TENM3: variants seen among roughly 807,000 people sequenced by gnomAD.
The protein encoded by TENM3 is teneurin-3.
Under a neutral mutation model 255.1 loss-of-function variants are expected in TENM3, and 63 were observed. The ratio of observed to expected loss-of-function variants is 0.25; its 90% confidence interval spans 0.20 to 0.30. TENM3 has a LOEUF of 0.30. TENM3 is among the 10% of genes least tolerant of loss of function. The probability of loss-of-function intolerance (pLI) is 1.00; values close to 1 mark genes in which losing one functional copy is unlikely to be tolerated. For missense variants in TENM3, 2,929 were observed against 3,461.1 expected (o/e 0.85, Z 3.86); for synonymous variants, 1,306 against 1,322.3 (o/e 0.99, Z 0.27).
At chr4:181,530,806 C>T in the TENM3 span, among the ~76,000 whole-genome samples, 1 of 152,102 alleles carries the variant, frequency 6.6e-6, no homozygotes, top group African/African-American at 2.4e-5. Context: ...TATGTGTGTG[C>T]GTGCATGTGC....
chr4:182,318,119 A>T (rs1762850141), intron 1 of TENM3, among the ~76,000 whole-genome samples: 4 of 152,210 alleles, frequency 2.6e-5, no homozygotes, highest in Admixed American at 2.6e-4. Context: ...GACACTATAT[A>T]GAGATATCCA....
At chr4:182,597,915 C>T (rs985884996) in intron 3 of TENM3, among the ~76,000 whole-genome samples, 11 of 152,220 alleles carry the variant, frequency 7.2e-5, no homozygotes, top group East Asian at 3.8e-4. Flanking sequence ...CACAGTGGCT[C>T]ATGCCTGTAA....
chr4:182,242,353 C>T (rs1483454097), upstream of TENM3, among the ~76,000 whole-genome samples: 1 of 151,962 alleles, frequency 6.6e-6, no homozygotes, highest in Admixed American at 6.6e-5. Flanking sequence ...ATGATGGTTT[C>T]CAGCTTCATC....
chr4:182,146,380 A>G (rs1033781118), intron 1 of TENM3, among the ~76,000 whole-genome samples: 3 of 152,174 alleles, frequency 2.0e-5, no homozygotes, highest in East Asian at 3.8e-4. Flanking sequence ...CAGTAATAAG[A>G]CTTGCTAATC....
intron 1 of TENM3, among the ~76,000 whole-genome samples, chr4:182,320,201 T>A (rs1170041110): frequency 6.6e-6 from 1 of 152,052 alleles, no homozygotes; most frequent in Non-Finnish European, 1.5e-5. Flanking sequence ...AGATAGCAAA[T>A]AGTTTAGACT....
At chr4:181,477,088 A>G in the TENM3 span, among the ~76,000 whole-genome samples, 1 of 152,154 alleles carries the variant, frequency 6.6e-6, no homozygotes, top group African/African-American at 2.4e-5. Flanking sequence ...TCATTCATTC[A>G]TTCATTCATT....
intron 3 of TENM3, among the ~76,000 whole-genome samples, chr4:182,512,059 C>T (rs1480610790): frequency 1.3e-5 from 2 of 152,128 alleles, no homozygotes; most frequent in Non-Finnish European, 2.9e-5. Flanking sequence ...TGGTTCTTAA[C>T]CAGGAACTCT....
intron 2 of TENM3, among the ~76,000 whole-genome samples, chr4:182,334,987 A>C (rs997832190): frequency 1.3e-5 from 2 of 152,002 alleles, no homozygotes; most frequent in African/African-American, 4.8e-5. Flanking sequence ...TCATTAAGGC[A>C]TCTCTCTATC....
chr4:182,625,995 G>T (rs573698945), intron 4 of TENM3, among the ~76,000 whole-genome samples: 1 of 152,244 alleles, frequency 6.6e-6, no homozygotes, highest in African/African-American at 2.4e-5. Context: ...AGCATGAAAA[G>T]AAAAGATTTC....
At chr4:181,625,265 C>A in the TENM3 span, among the ~76,000 whole-genome samples, 1 of 152,160 alleles carries the variant, frequency 6.6e-6, no homozygotes, top group Non-Finnish European at 1.5e-5. Flanking sequence ...GAATGCATAA[C>A]CAGCCCAGAA....
chr4:182,344,882 G>A (rs1764703988), intron 2 of TENM3, among the ~76,000 whole-genome samples: 1 of 152,106 alleles, frequency 6.6e-6, no homozygotes. Flanking sequence ...CACTGACCTT[G>A]TTCAGATTTA....
rs560288266 is a variant in TENM3 at position 182,793,359 on chromosome 4, T to C, written c.6687T>C (p.Tyr2229=). ...GTGGCTGGACAGTGATCTACCGTTA[T>C]GACGGCCTGGGAAGGCGTGTTTCTA... ...KGSGWTVIYR[Y]DGLGRRVSSK... Residue 2229 remains tyrosine, a synonymous_variant, in exon 26 of 28, where the codon TAT becomes TAC. Transcript: ENST00000511685. This position sits in a 1 kb window ranked among gnomAD's most constrained non-coding sequence, Gnocchi z 5.7. The C allele has an allele frequency of 8.1e-6, 13 of 1,613,834 alleles. No homozygotes were observed. In the African/African-American group the frequency reaches 1.2e-4, roughly 15 times the overall value.
the TENM3 span, among the ~76,000 whole-genome samples, chr4:182,069,269 C>A: frequency 6.6e-6 from 1 of 152,148 alleles, no homozygotes; most frequent in African/African-American, 2.4e-5. Flanking sequence ...TTCCTATTTC[C>A]TTTCTGGCAT....
chr4:182,753,622 G>C lies in TENM3; in HGVS notation c.4017+18G>C, dbSNP rs767248692. On this transcript the variant is annotated intron_variant, in intron 21 of 27. Transcript: ENST00000511685. ...TCAGCCAGGTAGTTAAATACTAAGCGGACTTGTTTGTTTTTCCTCTAGGTG... is the reference window on the plus strand; with the variant it reads ...TCAGCCAGGTAGTTAAATACTAAGCCGACTTGTTTGTTTTTCCTCTAGGTG... The C allele has an allele frequency of 1.3e-5, 21 of 1,609,972 alleles. No individual in the cohort carries two copies. Among genetic ancestry groups the C allele is most frequent in the Non-Finnish European group, 1.7e-5 (20 of 1,177,796 alleles).
At chr4:181,452,464 A>T in the TENM3 span, among the ~76,000 whole-genome samples, 7 of 152,118 alleles carry the variant, frequency 4.6e-5, no homozygotes, top group Admixed American at 3.9e-4. Context: ...ATAGTGAGTG[A>T]GTTCTCAGGA....
At chr4:181,597,377 C>T in the TENM3 span, among the ~76,000 whole-genome samples, 1 of 152,210 alleles carries the variant, frequency 6.6e-6, no homozygotes, top group Non-Finnish European at 1.5e-5. Flanking sequence ...AAACACCTGA[C>T]AACTCAGCAC....
At chr4:182,405,838 G>A (rs1387815698) in intron 3 of TENM3, among the ~76,000 whole-genome samples, 1 of 152,204 alleles carries the variant, frequency 6.6e-6, no homozygotes, top group Admixed American at 6.5e-5. Context: ...AGGGACAGAA[G>A]GCAGGCAAGA....
chr4:182,158,385 G>A (rs1046329819), intron 1 of TENM3, among the ~76,000 whole-genome samples: 2 of 152,006 alleles, frequency 1.3e-5, no homozygotes, highest in South Asian at 2.1e-4. Flanking sequence ...ATGTAGCTGC[G>A]GAGATCTGCA....
chr4:182,397,582 A>G (rs1180749779), intron 3 of TENM3, among the ~76,000 whole-genome samples: 1 of 152,072 alleles, frequency 6.6e-6, no homozygotes, highest in Non-Finnish European at 1.5e-5. Flanking sequence ...TTTATGGATG[A>G]GTTATCCCAG....
Sources: gnomAD v4.1 joint callset for allele counts (sites outside exome capture counted in the v4.1 genomes callset) on GRCh38, gnomAD v4.1.1 for gene constraint, Gnocchi (gnomAD v3.1) non-coding constraint, MANE v1.5 for transcripts, NCBI Gene and HGNC (gene_info 2026-07-23, HGNC 2026-07-21) for gene names.